KRABD3: variants seen among roughly 807,000 people sequenced by gnomAD.
KRABD3 encodes the protein KRAB domain-containing protein 3.
At chr7:149,728,665 A>G in the KRABD3 span, 1 of 1,613,370 alleles carries the variant, frequency 6.2e-7, no homozygotes, top group Non-Finnish European at 8.5e-7. Context: ...ACTGGACAGC[A>G]GACAAGGAAG....
chr7:149,727,529 G>A, the KRABD3 span, among the ~76,000 whole-genome samples: 1 of 152,212 alleles, frequency 6.6e-6, no homozygotes, highest in African/African-American at 2.4e-5. Context: ...CTCACACAGA[G>A]GGCAGCATCT....
chr7:149,716,568 C>T, the KRABD3 span, among the ~76,000 whole-genome samples: 8 of 152,242 alleles, frequency 5.3e-5, no homozygotes, highest in Admixed American at 1.3e-4. Flanking sequence ...CTGGCAGAAG[C>T]GCCTACCCTG....
the KRABD3 span, among the ~76,000 whole-genome samples, chr7:149,718,839 TAGAC>T: frequency 6.6e-5 from 10 of 152,124 alleles, no homozygotes; most frequent in African/African-American, 2.4e-4. Context: ...TAAAGAAACA[TAGAC>T]AAAAATGCTC....
chr7:149,733,278 C>G, the KRABD3 span: 4 of 1,612,500 alleles, frequency 2.5e-6, no homozygotes, highest in Non-Finnish European at 3.4e-6. Flanking sequence ...CCGGAGCTGC[C>G]CCCTCCGGAA....
chr7:149,731,091 A>G, the KRABD3 span, among the ~76,000 whole-genome samples: 1 of 152,126 alleles, frequency 6.6e-6, no homozygotes, highest in African/African-American at 2.4e-5. Context: ...GGGAGAAAAG[A>G]GAGTTTAGAG....
At chr7:149,722,671 C>A in the KRABD3 span, 1 of 1,487,614 alleles carries the variant, frequency 6.7e-7, no homozygotes, top group Non-Finnish European at 9.1e-7. Flanking sequence ...CAGGCCTTGT[C>A]TGCATTCTCA....
chr7:149,734,443 C>T, the KRABD3 span: 30 of 191,580 alleles, frequency 1.6e-4, 1 homozygote, highest in Non-Finnish European at 3.0e-4. Flanking sequence ...ATCTCAGGAG[C>T]CTTGAAGGGC....
the KRABD3 span, chr7:149,730,457 C>T: frequency 6.2e-7 from 1 of 1,602,210 alleles, no homozygotes; most frequent in Non-Finnish European, 8.5e-7. Context: ...CTGTAAGCCT[C>T]CTGTCCCTCT....
At chr7:149,729,202 G>A in the KRABD3 span, 1 of 1,561,378 alleles carries the variant, frequency 6.4e-7, no homozygotes, top group Non-Finnish European at 8.7e-7. Context: ...GAGGGCTGAG[G>A]CCTGCGAGTC....
chr7:149,726,563 G>A, the KRABD3 span, among the ~76,000 whole-genome samples: 3 of 151,070 alleles, frequency 2.0e-5, no homozygotes, highest in African/African-American at 2.4e-5. Flanking sequence ...ACAGTCTCCC[G>A]AGTAGCTGGG....
the KRABD3 span, chr7:149,720,205 A>T: frequency 1.3e-6 from 2 of 1,493,254 alleles, no homozygotes; most frequent in Non-Finnish European, 9.1e-7. Flanking sequence ...ACCTCAGCCT[A>T]CTCAGTCCAG....
the KRABD3 span, among the ~76,000 whole-genome samples, chr7:149,716,714 G>A: frequency 2.0e-5 from 3 of 152,198 alleles, no homozygotes; most frequent in South Asian, 2.1e-4. Flanking sequence ...AGTCTGGAGC[G>A]AGAGAGACAC....
the KRABD3 span, chr7:149,720,868 C>G: frequency 6.2e-7 from 1 of 1,603,412 alleles, no homozygotes; most frequent in Non-Finnish European, 8.5e-7. Flanking sequence ...CACCTCACAG[C>G]CCTGGTGCAG....
the KRABD3 span, chr7:149,734,125 A>G: frequency 6.7e-7 from 1 of 1,493,896 alleles, no homozygotes; most frequent in Non-Finnish European, 8.9e-7. Flanking sequence ...ACCCCACCCC[A>G]GGCCACCCTC....
At chr7:149,715,327 T>G in the KRABD3 span, 2 of 1,212,504 alleles carry the variant, frequency 1.6e-6, no homozygotes, top group Non-Finnish European at 1.0e-6. Context: ...CCTGGTAGAG[T>G]GGGCATGAAG....
chr7:149,729,951 TG>T, the KRABD3 span: 1 of 1,283,682 alleles, frequency 7.8e-7, no homozygotes, highest in Non-Finnish European at 9.8e-7. Context: ...CCAAAGCTGC[TG>T]GGGTCCTGGC....
At chr7:149,716,629 T>C in the KRABD3 span, among the ~76,000 whole-genome samples, 1 of 152,146 alleles carries the variant, frequency 6.6e-6, no homozygotes, top group Admixed American at 6.5e-5. Flanking sequence ...CACAAAACAG[T>C]TTGTCTTGAG....
chr7:149,728,728 C>T, the KRABD3 span: 1 of 1,576,316 alleles, frequency 6.3e-7, no homozygotes, highest in East Asian at 2.3e-5. Flanking sequence ...CTGAGGATGC[C>T]CTAGGCGCTG....
At chr7:149,721,840 T>C in the KRABD3 span, 2 of 561,112 alleles carry the variant, frequency 3.6e-6, no homozygotes, top group African/African-American at 1.8e-5. Flanking sequence ...GCCAGCAGCA[T>C]TGACCTACCT....
Sources: gnomAD v4.1 joint callset for allele counts (sites outside exome capture counted in the v4.1 genomes callset) on GRCh38, gnomAD v4.1.1 for gene constraint, MANE v1.5 for transcripts, NCBI Gene and HGNC (gene_info 2026-07-23, HGNC 2026-07-21) for gene names.